ADGRL3: variants seen among roughly 807,000 people sequenced by gnomAD.
ADGRL3 encodes calcium-independent alpha-latrotoxin receptor 3.
Under a neutral mutation model 153.5 loss-of-function variants are expected in ADGRL3, and 62 were observed. That is an observed-to-expected ratio of 0.40 (90% CI 0.33 to 0.50). The LOEUF (loss-of-function observed/expected upper bound fraction) is 0.50, where lower values mean the gene tolerates loss of function less well. Among genes scored for constraint, ADGRL3 ranks in the 20% least tolerant of loss-of-function variants. The probability of loss-of-function intolerance (pLI) is 0.47; values close to 1 mark genes in which losing one functional copy is unlikely to be tolerated. For missense variants in ADGRL3, 1,641 were observed against 1,859.4 expected (o/e 0.88, Z 2.16); for synonymous variants, 710 against 672.5 (o/e 1.06, Z -0.86).
intron 6 of ADGRL3, among the ~76,000 whole-genome samples, chr4:61,720,089 C>CT (rs11289224): frequency 5.2e-4 from 72 of 138,228 alleles, no homozygotes; most frequent in Admixed American, 5.1e-4. Flanking sequence ...CAGAGTGATA[C>CT]TTTTTTTTTT....
intron 4 of ADGRL3, among the ~76,000 whole-genome samples, chr4:61,528,073 G>C (rs2098583343): frequency 6.6e-6 from 1 of 152,116 alleles, no homozygotes; most frequent in African/African-American, 2.4e-5. Flanking sequence ...GGTCCACAAT[G>C]CCGGCTGTCC....
At chr4:61,547,745 T>C (rs562704015) in intron 4 of ADGRL3, among the ~76,000 whole-genome samples, 2 of 152,252 alleles carry the variant, frequency 1.3e-5, no homozygotes, top group South Asian at 4.1e-4. Context: ...AGTAGAACAA[T>C]TTATATTCCT....
At chr4:61,672,711 T>C (rs916750468) in intron 5 of ADGRL3, among the ~76,000 whole-genome samples, 2 of 151,986 alleles carry the variant, frequency 1.3e-5, no homozygotes, top group Non-Finnish European at 2.9e-5. Context: ...AGAATCCTTA[T>C]ATACTATTGA....
chr4:61,947,584 CATT>C (rs1468101053), intron 16 of ADGRL3, among the ~76,000 whole-genome samples: 2 of 152,138 alleles, frequency 1.3e-5, no homozygotes, highest in African/African-American at 2.4e-5. Context: ...TATTTCATAA[CATT>C]ATGTTGCATA....
intron 1 of ADGRL3, among the ~76,000 whole-genome samples, chr4:61,351,548 CT>C (rs977149980): frequency 1.2e-4 from 18 of 152,202 alleles, no homozygotes; most frequent in African/African-American, 4.1e-4. Flanking sequence ...GACAAGCTGA[CT>C]TTCTCATTAG....
At chr4:61,276,633 T>C (rs1217732607) in intron 1 of ADGRL3, among the ~76,000 whole-genome samples, 1 of 152,202 alleles carries the variant, frequency 6.6e-6, no homozygotes, top group Non-Finnish European at 1.5e-5. Flanking sequence ...TGTCAATTAG[T>C]AAAATATAAC....
chr4:61,227,195 C>T lies in ADGRL3; in HGVS notation c.-240+25430C>T, dbSNP rs138726206. Among the ~76,000 whole-genome samples, 695 of 152,018 alleles carry T rather than the reference C, an allele frequency of 4.6e-3. 7 individuals carry two copies. The highest frequency in any genetic ancestry group is 0.016 in the African/African-American group (656 of 41,472). The stretch of plus-strand genomic sequence containing the variant: ...ATGACTTGGAGGTTTTTTGTCATTT[C>T]TTCTGGCACCTCACTTTTTTTTTCT... On this transcript the variant is annotated intron_variant, in intron 1 of 26. Transcript: ENST00000683033.
intron 19 of ADGRL3, among the ~76,000 whole-genome samples, chr4:61,993,502 G>C (rs1581785620): frequency 6.6e-6 from 1 of 151,568 alleles, no homozygotes. Context: ...ATGTTGGCCA[G>C]ACTGGTCTCG....
intron 8 of ADGRL3, among the ~76,000 whole-genome samples, chr4:61,747,107 G>A (rs2096673868): frequency 1.3e-5 from 2 of 152,188 alleles, no homozygotes; most frequent in Admixed American, 6.5e-5. Context: ...AGAAAATGTA[G>A]AAGAAATGGA....
intron 13 of ADGRL3, among the ~76,000 whole-genome samples, chr4:61,923,687 G>C (rs952759477): frequency 3.9e-5 from 6 of 152,102 alleles, no homozygotes; most frequent in African/African-American, 1.4e-4. Flanking sequence ...CACTTCGTAT[G>C]TCAATTACTC....
intron 9 of ADGRL3, among the ~76,000 whole-genome samples, chr4:61,872,971 T>A (rs1192399549): frequency 3.9e-5 from 6 of 152,202 alleles, no homozygotes; most frequent in Non-Finnish European, 7.3e-5. Context: ...TAAAATGCAC[T>A]GTAGTGCCGT....
At chr4:61,770,529 G>A (rs1211501925) in intron 8 of ADGRL3, among the ~76,000 whole-genome samples, 3 of 152,108 alleles carry the variant, frequency 2.0e-5, no homozygotes, top group South Asian at 2.1e-4. Flanking sequence ...CTAAGTGCAG[G>A]ACAATTATAT....
intron 9 of ADGRL3, among the ~76,000 whole-genome samples, chr4:61,867,510 A>G (rs1179711841): frequency 1.4e-5 from 1 of 70,038 alleles, no homozygotes; most frequent in Non-Finnish European, 2.8e-5. Context: ...AAAAAAATAT[A>G]TATGCATATA....
chr4:61,813,352 C>T (rs960172147), intron 8 of ADGRL3, among the ~76,000 whole-genome samples: 5 of 152,052 alleles, frequency 3.3e-5, no homozygotes, highest in African/African-American at 1.2e-4. Flanking sequence ...TGAGATCACG[C>T]CACTGCACTG....
intron 9 of ADGRL3, among the ~76,000 whole-genome samples, chr4:61,891,891 C>A (rs749365043): frequency 2.6e-5 from 4 of 152,060 alleles, no homozygotes; most frequent in Non-Finnish European, 4.4e-5. Flanking sequence ...TATGCCTATT[C>A]CTTGGAAACA....
intron 8 of ADGRL3, among the ~76,000 whole-genome samples, chr4:61,771,711 A>G (rs1448295407): frequency 6.6e-6 from 1 of 152,120 alleles, no homozygotes; most frequent in Non-Finnish European, 1.5e-5. Flanking sequence ...TGAGCCAACC[A>G]CAACCACTCC....
chr4:61,609,850 G>T (rs1008166405), intron 5 of ADGRL3, among the ~76,000 whole-genome samples: 4 of 151,882 alleles, frequency 2.6e-5, no homozygotes, highest in Admixed American at 2.0e-4. Flanking sequence ...AATAAATTTG[G>T]CATAAATTAT....
intron 5 of ADGRL3, among the ~76,000 whole-genome samples, chr4:61,591,335 A>T (rs1455376167): frequency 1.3e-5 from 2 of 152,146 alleles, no homozygotes; most frequent in Non-Finnish European, 2.9e-5. Context: ...CACTGCAATA[A>T]ATCAGTTTTA....
intron 1 of ADGRL3, among the ~76,000 whole-genome samples, chr4:61,262,215 T>A (rs2092572652): frequency 6.6e-6 from 1 of 152,186 alleles, no homozygotes. Context: ...TCTATGACAA[T>A]GTAATTATAA....
Sources: allele counts gnomAD v4.1 joint callset (sites outside exome capture counted in the v4.1 genomes callset), GRCh38; gene constraint gnomAD v4.1.1; transcripts MANE v1.5; gene names NCBI Gene and HGNC (gene_info 2026-07-23, HGNC 2026-07-21).